TSBP1: variants seen among roughly 807,000 people sequenced by gnomAD.
TSBP1 encodes the protein testis expressed basic protein 1.
TSBP1 carries 56 observed loss-of-function variants against 68.8 expected under a neutral mutation model. That is an observed-to-expected ratio of 0.81 (90% CI 0.66 to 1.02). The LOEUF (loss-of-function observed/expected upper bound fraction) is 1.02. Among genes scored for constraint, TSBP1 ranks in the 50% least tolerant of loss-of-function variants. The pLI is 0.00. For synonymous variants in TSBP1, 171 were observed against 208.7 expected (o/e 0.82, Z 1.56); for missense variants, 502 against 641.2 (o/e 0.78, Z 2.34).
Position 32,365,003 on chromosome 6 carries a change from C to T in TSBP1, c.217+1164G>A, listed in dbSNP as rs574142741. On this transcript the variant is annotated intron_variant, in intron 6 of 22. Coordinates refer to ENST00000612031, the Ensembl canonical transcript of TSBP1. The surrounding 1 kb of genome is among the most constrained non-coding windows in gnomAD (Gnocchi z 4.3). ...CAAACTCTTGGGCTCAAGCAATCCT[C>T]CCACCTCAGCCTCCTGAGTAGCTGG... Among the ~76,000 whole-genome samples the T allele has an allele frequency of 6.6e-6, 1 of 152,184 alleles. No individual in the cohort carries two copies. The highest frequency in any genetic ancestry group is 1.5e-5 in the Non-Finnish European group (1 of 68,012).
Position 32,357,381 on chromosome 6 carries a change from A to T in TSBP1, c.218-1712T>A, listed in dbSNP as rs1772467600. Among the ~76,000 whole-genome samples the T allele has an allele frequency of 6.6e-6, 1 of 152,204 alleles. No individual in the cohort carries two copies. Among genetic ancestry groups the T allele is most frequent in the Admixed American group, 6.5e-5 (1 of 15,284 alleles). On this transcript the variant is annotated intron_variant, in intron 6 of 22. Transcript: ENST00000612031. The surrounding 1 kb of genome is among the most constrained non-coding windows in gnomAD (Gnocchi z 4.7). ...AGAATAAACTCTCTGACTGCCTAAA[A>T]TTTGGAATTAGACAATTCTAAATTC... is the stretch of plus-strand genomic sequence containing the variant.
At chr6:32,295,842 C>CTTTT (rs535371646) in intron 22 of TSBP1, among the ~76,000 whole-genome samples, 4 of 125,318 alleles carry the variant, frequency 3.2e-5, no homozygotes, top group Non-Finnish European at 3.3e-5. Flanking sequence ...AGGAAAATTT[C>CTTTT]TTTTTTTTTT....
intron 18 of TSBP1, among the ~76,000 whole-genome samples, chr6:32,319,517 T>G (rs1163500182): frequency 6.6e-6 from 1 of 152,166 alleles, no homozygotes; most frequent in African/African-American, 2.4e-5. Flanking sequence ...CTGCAATTTT[T>G]TATTAAGGAC....
intron 4 of TSBP1, 108 bp downstream of exon 4, chr6:32,367,817 C>T (rs180918151): frequency 5.3e-5 from 42 of 790,622 alleles, no homozygotes; most frequent in African/African-American, 2.1e-4. Context: ...ATTATAAAAA[C>T]GAAAGATATG....
At position 32,335,971 on chromosome 6, in the gene TSBP1, T is replaced by C. The variant is rs1349073258; in HGVS notation, c.431-39A>G. 1 of 1,570,234 alleles carries C rather than the reference T, an allele frequency of 6.4e-7. No homozygotes were observed. The highest frequency in any genetic ancestry group is 8.7e-7 in the Non-Finnish European group (1 of 1,145,960). On this transcript the variant is annotated intron_variant, in intron 12 of 22. Transcript: ENST00000612031. This position sits in a 1 kb window ranked among gnomAD's most constrained non-coding sequence, Gnocchi z 5.5. ...AGAGGGAGAAAGAAAAAGATATCAG[T>C]ATGCTTCACCACTGTGAAGGAAATT... is the stretch of plus-strand genomic sequence containing the variant.
At chr6:32,329,713 A>G (rs1768698147) in intron 16 of TSBP1, among the ~76,000 whole-genome samples, 1 of 152,166 alleles carries the variant, frequency 6.6e-6, no homozygotes. Context: ...TATCAGATAC[A>G]TGGTAGGAGC....
chr6:32,369,577 G>A (rs1562205474), intron 2 of TSBP1, among the ~76,000 whole-genome samples: 2 of 152,042 alleles, frequency 1.3e-5, no homozygotes, highest in East Asian at 1.9e-4. Flanking sequence ...CACCATTTTG[G>A]TCAGGCTGGT....
At chr6:32,300,645 G>T in intron 21 of TSBP1, 35 bp downstream of exon 24, 1 of 1,607,032 alleles carries the variant, frequency 6.2e-7, no homozygotes, top group Non-Finnish European at 8.5e-7. Flanking sequence ...CCTAGGCACA[G>T]AAATAGGTAA....
At chr6:32,366,069 C>CTTA in intron 6 of TSBP1, 98 bp downstream of exon 6, 5 of 1,520,556 alleles carry the variant, frequency 3.3e-6, no homozygotes, top group Non-Finnish European at 4.5e-6. Context: ...ATTTCTTCTT[C>CTTA]TTTTTTAAAT....
rs1256021316 is a variant in TSBP1, at chr6:32,343,013, T to C, written c.350-3375A>G. Among the ~76,000 whole-genome samples, 1 of 152,132 alleles carries C rather than the reference T, an allele frequency of 6.6e-6. No individual in the cohort carries two copies. Among genetic ancestry groups the C allele is most frequent in the Non-Finnish European group, 1.5e-5 (1 of 68,010 alleles). On this transcript the variant is annotated intron_variant, in intron 9 of 22. Transcript: ENST00000612031. The surrounding 1 kb of genome is among the most constrained non-coding windows in gnomAD (Gnocchi z 4.3). ...CAAAGGCAAGAATAAAATAATTTGC[T>C]TAAGCAAGGTGGGAGGTCTCATTGT...
Position 32,365,192 on chromosome 6 carries a change from T to G in TSBP1, c.217+975A>C. ...CAGGCATGAACTACCACACCCAGGG[T>G]AGATGGGATTTCTAAGATTGTGCTT... On this transcript the variant is annotated intron_variant, in intron 6 of 22. Coordinates refer to ENST00000612031, the Ensembl canonical transcript of TSBP1. This position sits in a 1 kb window ranked among gnomAD's most constrained non-coding sequence, Gnocchi z 4.3. The G allele has an allele frequency of 2.5e-6, 1 of 396,642 alleles. No homozygotes were observed. Among genetic ancestry groups the G allele is most frequent in the East Asian group, 7.1e-5 (1 of 14,096 alleles). The allele number at this position is 396,642 out of a possible 1,614,324, so 24.6% of individuals were successfully genotyped here.
chr6:32,311,493 T>C (rs1245937375), intron 19 of TSBP1, among the ~76,000 whole-genome samples: 3 of 152,156 alleles, frequency 2.0e-5, no homozygotes, highest in Non-Finnish European at 2.9e-5. Flanking sequence ...TCAGGAGGGA[T>C]TGCAGCATTG....
chr6:32,347,065 A>G (rs1771098161), intron 9 of TSBP1, among the ~76,000 whole-genome samples: 1 of 152,242 alleles, frequency 6.6e-6, no homozygotes, highest in African/African-American at 2.4e-5. Flanking sequence ...CAATGTATAC[A>G]TATATCAACA....
At chr6:32,354,796 C>T (rs1308156619) in intron 8 of TSBP1, among the ~76,000 whole-genome samples, 2 of 151,818 alleles carry the variant, frequency 1.3e-5, no homozygotes, top group Admixed American at 6.6e-5. Flanking sequence ...TACTATCAGA[C>T]AGATGCCATT....
intron 10 of TSBP1, chr6:32,339,345 G>A: frequency 1.7e-6 from 1 of 598,146 alleles, no homozygotes; most frequent in Non-Finnish European, 3.0e-6. Context: ...GTCACTTAGA[G>A]GATCTTGAAA....
At position 32,346,237 on chromosome 6, in the gene TSBP1, G is replaced by A. The variant is rs867357180; in HGVS notation, c.349+3503C>T. On this transcript the variant is annotated intron_variant, in intron 9 of 22. Transcript: ENST00000612031. ...TCACCTTGTTAGCCAGGATGGTCTC[G>A]ATCTCCTGACCTCATGATCCACCCG... Among the ~76,000 whole-genome samples, 68 of 11,978 alleles carry A rather than the reference G, an allele frequency of 5.7e-3. 29 individuals are homozygous for A. The highest frequency in any genetic ancestry group is 0.015 in the African/African-American group (66 of 4,272). The allele number at this position is 11,978 out of a possible 152,430, so 7.9% of individuals were successfully genotyped here.
At chr6:32,344,180 T>C (rs28732194) in intron 9 of TSBP1, among the ~76,000 whole-genome samples, 9,132 of 151,098 alleles carry the variant, frequency 0.06, 353 homozygotes, top group South Asian at 0.095. Flanking sequence ...TATGTATACA[T>C]GTGCCATGCT....
rs866971454 is a variant in TSBP1 at position 32,334,805 on chromosome 6, G to A, written c.472+632C>T. Among the ~76,000 whole-genome samples the A allele has an allele frequency of 3.2e-4, 48 of 152,246 alleles. 1 individual carries two copies. Among genetic ancestry groups the A allele is most frequent in the African/African-American group, 1.1e-3 (47 of 41,550 alleles). ...TCCCAACACTTTGGGAGGCTGAGGC[G>A]GGCGGATCACGAGGTCAGGAGATCG... On this transcript the variant is annotated intron_variant, in intron 14 of 22. Transcript: ENST00000612031.
intron 22 of TSBP1, 37 bp from the exon 26 acceptor site, chr6:32,294,072 A>C (rs1007422117): frequency 6.3e-7 from 1 of 1,594,604 alleles, no homozygotes; most frequent in Non-Finnish European, 8.5e-7. Flanking sequence ...TTAGATATCA[A>C]GTATTTTCTC....
Sources: allele counts gnomAD v4.1 joint callset (sites outside exome capture counted in the v4.1 genomes callset), GRCh38; gene constraint gnomAD v4.1.1; non-coding constraint Gnocchi (gnomAD v3.1); transcripts MANE v1.5; gene names NCBI Gene and HGNC (gene_info 2026-07-23, HGNC 2026-07-21).